NBN: variants seen among roughly 807,000 people sequenced by gnomAD.
NBN encodes Nijmegen breakage syndrome 1 (nibrin).
Under a neutral mutation model 90.8 loss-of-function variants are expected in NBN, and 88 were observed. The observed-to-expected ratio is 0.97, with a 90% CI of 0.82 to 1.16. The LOEUF (loss-of-function observed/expected upper bound fraction) is 1.16, where lower values mean the gene tolerates loss of function less well. Among genes scored for constraint, NBN ranks in the 50% most tolerant of loss-of-function variants. The pLI is 0.00. For synonymous variants in NBN, 328 were observed against 295.1 expected (o/e 1.11, Z -1.14); for missense variants, 894 against 869.6 (o/e 1.03, Z -0.35).
At position 89,982,848 on chromosome 8, in the gene NBN, T is replaced by C. The variant is rs577332041; in HGVS notation, c.45A>G (p.Pro15=). ...ACTCAACGCCAGTCAAAAGTCTGTA[T>C]GGTTCTCCTGAGATAAATTTTTTTT... ...LPAAGPAGGE[P]YRLLTGVEYV... Residue 15 remains proline (P), a synonymous_variant, in exon 2 of 16, where the codon CCA becomes CCG. Transcript: ENST00000265433. 2.2e-5 allele frequency: 36 copies of C among 1,613,418 alleles called. No homozygotes were observed. In the South Asian group the frequency reaches 3.5e-4, roughly 16 times the overall value.
chr8:89,943,501 A>T, intron 13 of NBN, 135 bp from the exon 14 acceptor site: 1 of 920,668 alleles, frequency 1.1e-6, no homozygotes, highest in Non-Finnish European at 1.7e-6. Context: ...AATAAAAGTG[A>T]GAGCAGTAAC....
Position 89,984,637 on chromosome 8 carries a change from C to T in NBN, c.-76G>A. 6.3e-7 allele frequency: 1 copy of T among 1,587,600 alleles called. No individual in the cohort carries two copies. Among genetic ancestry groups the T allele is most frequent in the Non-Finnish European group, 8.6e-7 (1 of 1,167,150 alleles). Reference sequence around the variant, plus strand: ...TGCTAGACGAGCGCGGATACGGCGCCTGCGGTCGGCATGGGCTCCGGGACG... The same window carrying T: ...TGCTAGACGAGCGCGGATACGGCGCTTGCGGTCGGCATGGGCTCCGGGACG... On this transcript the variant is annotated 5_prime_UTR_variant, in exon 1 of 16. Coordinates refer to ENST00000265433, the MANE Select transcript of NBN (RefSeq NM_002485.5).
chr8:89,943,482 T>C (rs1810047936), intron 13 of NBN, 116 bp from the exon 14 acceptor site: 1 of 1,083,996 alleles, frequency 9.2e-7, no homozygotes, highest in Non-Finnish European at 1.4e-6. Flanking sequence ...AAGATGTTTA[T>C]ATTCTACAAA....
intron 2 of NBN, 55 bp downstream of exon 2, chr8:89,982,667 T>C: frequency 2.1e-6 from 3 of 1,438,834 alleles, no homozygotes; most frequent in Non-Finnish European, 2.9e-6. Flanking sequence ...CAAGAGAATA[T>C]TTTGTGATTT....
At chr8:89,948,318 T>C (rs13312935) in intron 11 of NBN, among the ~76,000 whole-genome samples, 46,868 of 152,096 alleles carry the variant, frequency 0.31, 7,476 homozygotes, top group East Asian at 0.45. Context: ...GTCTGTTTTA[T>C]TTTCTACATG....
In NBN at chr8:89,980,879, G is replaced by C. The variant is rs759723870; in HGVS notation, c.335C>G (p.Pro112Arg). Residue 112 changes from proline to arginine, a missense_variant, in exon 4 of 16, where the codon CCT becomes CGT. Pro to Arg is a moderately radical substitution (Grantham distance 103, BLOSUM62 -2). Coordinates refer to ENST00000265433, the MANE Select transcript of NBN (RefSeq NM_002485.5). ...FGSKFRIEYEPLVACSSCLDV... is the reference protein window; with the variant it reads ...FGSKFRIEYERLVACSSCLDV... ...TAAACAAGAAGAGCATGCAACCAAAGGCTCATACTCTATTCTGTAAATGAG... is the reference window on the plus strand; with the variant it reads ...TAAACAAGAAGAGCATGCAACCAAACGCTCATACTCTATTCTGTAAATGAG... 5 of 1,612,548 alleles carry C rather than the reference G, an allele frequency of 3.1e-6. No homozygotes were observed. Among genetic ancestry groups the C allele is most frequent in the Non-Finnish European group, 4.2e-6 (5 of 1,179,254 alleles).
At position 89,970,518 on chromosome 8, in the gene NBN, C is replaced by T; in HGVS notation, c.742G>A (p.Glu248Lys). 6.2e-7 allele frequency: 1 copy of T among 1,613,850 alleles called. No homozygotes were observed. The highest frequency in any genetic ancestry group is 2.2e-5 in the East Asian group (1 of 44,862). The change falls in exon 7 of 16, where the codon GAA becomes AAA. Residue 248 changes from glutamate (E) to lysine (K), a missense_variant. Coordinates refer to ENST00000265433, the MANE Select transcript of NBN (RefSeq NM_002485.5). ...TTCTCTTCTGTTATCAACCTAGCTT[C>T]CCCACCTCCAAAGACAACTGCGGAA... ...LSSAVVFGGG[E>K]ARLITEENEE...
At chr8:89,952,086 T>C (rs79128117) in intron 11 of NBN, among the ~76,000 whole-genome samples, 286 of 152,214 alleles carry the variant, frequency 1.9e-3, no homozygotes, top group Middle Eastern at 0.01. Context: ...GCTGGAGGTA[T>C]CCTCTCAAAG....
chr8:89,980,027 T>C (rs1275213137), intron 4 of NBN, among the ~76,000 whole-genome samples: 2 of 152,212 alleles, frequency 1.3e-5, no homozygotes, highest in African/African-American at 4.8e-5. Flanking sequence ...TGTAAGTTTA[T>C]ATGCATATAT....
intron 7 of NBN, 40 bp downstream of exon 7, chr8:89,970,324 C>T (rs1811445843): frequency 2.7e-6 from 4 of 1,497,698 alleles, no homozygotes; most frequent in Non-Finnish European, 2.8e-6. Context: ...CATAAAATCT[C>T]CTACTTGCAG....
At chr8:89,984,305 C>G (rs1219959323) in intron 1 of NBN, 6 of 614,142 alleles carry the variant, frequency 9.8e-6, no homozygotes, top group African/African-American at 3.7e-5. Context: ...CACCAGGGGG[C>G]GCCGCAATCA....
chr8:89,938,847 A>G (rs951534474), intron 14 of NBN, among the ~76,000 whole-genome samples: 1 of 152,250 alleles, frequency 6.6e-6, no homozygotes, highest in African/African-American at 2.4e-5. Context: ...ACAGCTGTCA[A>G]AATAACTACT....
chr8:89,983,109 A>C (rs2129927875), intron 1 of NBN, among the ~76,000 whole-genome samples: 1 of 152,300 alleles, frequency 6.6e-6, no homozygotes, highest in South Asian at 2.1e-4. Flanking sequence ...TACAATAAAA[A>C]AGAGAAAAAG....
At chr8:89,945,395 T>G (rs1810140890) in intron 13 of NBN, among the ~76,000 whole-genome samples, 1 of 152,160 alleles carries the variant, frequency 6.6e-6, no homozygotes, top group South Asian at 2.1e-4. Flanking sequence ...GGCAAAAAAC[T>G]AATTTAACTG....
chr8:89,938,110 C>T (rs1809774521), intron 14 of NBN, among the ~76,000 whole-genome samples: 1 of 152,158 alleles, frequency 6.6e-6, no homozygotes, highest in African/African-American at 2.4e-5. Context: ...ACTTCAGCTA[C>T]AGAATTCCCA....
intron 5 of NBN, 102 bp from the exon 6 acceptor site, chr8:89,971,392 A>G (rs1426481363): frequency 1.5e-6 from 2 of 1,315,374 alleles, no homozygotes; most frequent in Non-Finnish European, 2.0e-6. Context: ...TAATTTCCAT[A>G]ATACCTTTAT....
chr8:89,953,359 T>C lies in NBN; in HGVS notation c.1730A>G (p.Asp577Gly), dbSNP rs1341969209. The change falls in exon 11 of 16, where the codon GAT becomes GGT. Residue 577 changes from aspartate to glycine, a missense_variant. Transcript: ENST00000265433. Reference protein sequence around the residue: ...FKDTKPELEIDVKVQKQEEDV... With the variant: ...FKDTKPELEIGVKVQKQEEDV... ...TTCCTCCTGTTTTTGAACTTTCACA[T>C]CAATTTCTAACTCTGGTTTTGTGTC... 1.2e-6 allele frequency: 2 copies of C among 1,613,484 alleles called. No homozygotes were observed. Among genetic ancestry groups the C allele is most frequent in the African/African-American group, 1.3e-5 (1 of 74,910 alleles).
At chr8:89,981,829 T>C (rs1254760066) in intron 2 of NBN, 1 of 580,044 alleles carries the variant, frequency 1.7e-6, no homozygotes, top group East Asian at 4.7e-5. Context: ...GTGCAGTCTG[T>C]TTCATTTAAA....
intron 7 of NBN, among the ~76,000 whole-genome samples, chr8:89,965,069 G>A (rs536770446): frequency 4.0e-5 from 6 of 151,894 alleles, no homozygotes; most frequent in South Asian, 2.1e-4. Flanking sequence ...AGCTGAGATC[G>A]CGCCACTGCA....
Sources: gnomAD v4.1 joint callset for allele counts (sites outside exome capture counted in the v4.1 genomes callset) on GRCh38, gnomAD v4.1.1 for gene constraint, MANE v1.5 for transcripts, NCBI Gene and HGNC (gene_info 2026-07-23, HGNC 2026-07-21) for gene names.